Variants in SFMBT1 observed in about 807,000 individuals in gnomAD.
The protein encoded by SFMBT1 is Scm like with four mbt domains 1, also known as scm-like with four MBT domains protein 1.
Under a neutral mutation model 108.7 loss-of-function variants are expected in SFMBT1, and 32 were observed. The ratio of observed to expected loss-of-function variants is 0.29; its 90% CI spans 0.22 to 0.40. SFMBT1 has a LOEUF of 0.40. SFMBT1 is among the 10% of genes least tolerant of loss of function. The pLI, the probability that SFMBT1 is intolerant of heterozygous loss-of-function variation, is 1.00. For synonymous variants in SFMBT1, 348 were observed against 369.5 expected (o/e 0.94, Z 0.67); for missense variants, 816 against 1,059.6 (o/e 0.77, Z 3.19).
At chr3:52,914,016 G>C (rs1702279366) in intron 14 of SFMBT1, among the ~76,000 whole-genome samples, 1 of 152,122 alleles carries the variant, frequency 6.6e-6, no homozygotes, top group Non-Finnish European at 1.5e-5. Context: ...AGAAATTGTT[G>C]AATATTATTG....
At chr3:52,966,498 G>A (rs1182818627) in intron 2 of SFMBT1, among the ~76,000 whole-genome samples, 4 of 150,522 alleles carry the variant, frequency 2.7e-5, no homozygotes, top group South Asian at 4.2e-4. Context: ...GGTGGTGGGC[G>A]CCTGTAGTCC....
chr3:52,952,261 G>A (rs34872575), intron 3 of SFMBT1, among the ~76,000 whole-genome samples: 11,474 of 152,254 alleles, frequency 0.075, 472 homozygotes, highest in Non-Finnish European at 0.094. Flanking sequence ...GGGAGGCTGA[G>A]GCAGGAGAAT....
At chr3:53,038,494 C>T (rs1188219381) in intron 1 of SFMBT1, among the ~76,000 whole-genome samples, 2 of 152,126 alleles carry the variant, frequency 1.3e-5, no homozygotes, top group Non-Finnish European at 2.9e-5. Flanking sequence ...GAGATGGCCT[C>T]CCCCCGGTAA....
At chr3:53,006,958 T>C (rs1183866629) in intron 1 of SFMBT1, among the ~76,000 whole-genome samples, 2 of 152,228 alleles carry the variant, frequency 1.3e-5, no homozygotes, top group Non-Finnish European at 2.9e-5. Flanking sequence ...TCTCAACCAG[T>C]AGACTGTAAG....
rs1471470307 is a variant in SFMBT1 at position 52,957,958 on chromosome 3, AC to A, written c.29-3548del. 7.2e-4 allele frequency among the ~76,000 whole-genome samples: 110 copies of A among 152,362 alleles called. 1 individual carries two copies. The highest frequency in any genetic ancestry group is 2.6e-3 in the African/African-American group (107 of 41,594). On this transcript the variant is annotated intron_variant, in intron 2 of 20. Coordinates refer to ENST00000394752, the MANE Select transcript of SFMBT1 (RefSeq NM_016329.4). Reference sequence around the variant, plus strand: ...TTGCAACAAAAGCAAAAATTGACAAACGGGATCTAATTAAACTAAAGAGCTT... The same window carrying A: ...TTGCAACAAAAGCAAAAATTGACAAAGGGATCTAATTAAACTAAAGAGCTT...
chr3:52,986,105 T>A (rs2106886902), intron 1 of SFMBT1, among the ~76,000 whole-genome samples: 1 of 142,012 alleles, frequency 7.0e-6, no homozygotes, highest in South Asian at 2.1e-4. Context: ...ATCATGCCAC[T>A]ACACTTCAGC....
intron 1 of SFMBT1, among the ~76,000 whole-genome samples, chr3:52,999,347 T>C (rs996964358): frequency 5.3e-5 from 8 of 149,798 alleles, no homozygotes; most frequent in Non-Finnish European, 9.0e-5. Flanking sequence ...ACGCCCCACC[T>C]CCTCTGACCA....
At chr3:53,044,256 T>A (rs1700142028) in intron 1 of SFMBT1, among the ~76,000 whole-genome samples, 1 of 152,204 alleles carries the variant, frequency 6.6e-6, no homozygotes, top group Non-Finnish European at 1.5e-5. Context: ...CTAAGAATCT[T>A]TCAGTTAAGA....
In SFMBT1 at chr3:52,931,850, AC is replaced by A. The variant is rs369344529; in HGVS notation, c.700+211del. Among the ~76,000 whole-genome samples, 71 of 152,314 alleles carry A rather than the reference AC, an allele frequency of 4.7e-4. No homozygotes were observed. In the East Asian group the frequency reaches 0.013, roughly 27 times the overall value. ...GCAAGACTCTGTCTCAAAAAACAAA[AC>A]AAAACAAAACAAAAACCAAAAGCAG... is the stretch of plus-strand genomic sequence containing the variant. On this transcript the variant is annotated intron_variant, in intron 6 of 20. Transcript: ENST00000394752.
intron 2 of SFMBT1, among the ~76,000 whole-genome samples, chr3:52,968,600 CTT>C (rs5848970): frequency 6.0e-4 from 77 of 127,586 alleles, no homozygotes; most frequent in Middle Eastern, 4.3e-3. Flanking sequence ...AAAACAGTTT[CTT>C]TTTTTTTTTT....
intron 1 of SFMBT1, among the ~76,000 whole-genome samples, chr3:52,987,663 T>C (rs1414110747): frequency 6.6e-6 from 1 of 152,200 alleles, no homozygotes; most frequent in East Asian, 1.9e-4. Flanking sequence ...GTATGTCTTA[T>C]ACCATAGAGT....
chr3:52,923,515 G>A lies in SFMBT1; in HGVS notation c.1132-1684C>T, dbSNP rs527861479. 3.1e-3 allele frequency among the ~76,000 whole-genome samples: 472 copies of A among 151,296 alleles called. 1 individual carries two copies. The highest frequency in any genetic ancestry group is 6.0e-3 in the Non-Finnish European group (410 of 67,834). ...GTGGAGGTTGCAGTGAGCCAGGATC[G>A]TGCCATTGCACTCCAGCCTGGGCAA... On this transcript the variant is annotated intron_variant, in intron 10 of 20. Coordinates refer to ENST00000394752, the MANE Select transcript of SFMBT1 (RefSeq NM_016329.4).
chr3:53,027,462 C>G (rs1230264929), intron 1 of SFMBT1, among the ~76,000 whole-genome samples: 1 of 152,228 alleles, frequency 6.6e-6, no homozygotes, highest in Non-Finnish European at 1.5e-5. Context: ...GTCACAGCTA[C>G]TTAGTGTCTG....
Position 52,932,306 on chromosome 3 carries a change from G to C in SFMBT1, c.456C>G (p.Leu152=). ...CSPPVPLLEG[L]RNGRNPLDLI... ...GATCTAAAGGATTCCTCCCATTACG[G>C]AGCTGTAGGATTAAAAAGTAAAACA... The change falls in exon 6 of 21, where the codon CTC becomes CTG. Residue 152 remains leucine (L), a splice_region_variant and synonymous_variant. Transcript: ENST00000394752. 1 of 1,609,418 alleles carries C rather than the reference G, an allele frequency of 6.2e-7. No individual in the cohort carries two copies. The highest frequency in any genetic ancestry group is 1.7e-4 in the Middle Eastern group (1 of 6,036).
intron 10 of SFMBT1, among the ~76,000 whole-genome samples, chr3:52,925,353 A>T (rs576072050): frequency 6.6e-6 from 1 of 152,368 alleles, no homozygotes; most frequent in Admixed American, 6.5e-5. Flanking sequence ...TAAGACAGAG[A>T]GGAAAGGTAA....
intron 1 of SFMBT1, among the ~76,000 whole-genome samples, chr3:52,976,568 T>C (rs1056464562): frequency 1.3e-5 from 2 of 152,148 alleles, no homozygotes; most frequent in Admixed American, 1.3e-4. Flanking sequence ...AGCCTTGGAA[T>C]AGCATAGATT....
intron 1 of SFMBT1, among the ~76,000 whole-genome samples, chr3:52,989,407 A>G (rs1705040187): frequency 6.7e-6 from 1 of 148,156 alleles, no homozygotes; most frequent in Non-Finnish European, 1.5e-5. Context: ...ACTGCACTCC[A>G]GCCTGACTCC....
chr3:52,939,270 A>T (rs1420892092), intron 4 of SFMBT1, among the ~76,000 whole-genome samples: 9 of 152,168 alleles, frequency 5.9e-5, no homozygotes, highest in Non-Finnish European at 4.4e-5. Flanking sequence ...TTATTTCTGT[A>T]AGGTTTACCT....
At chr3:52,965,290 G>GA (rs1704095605) in intron 2 of SFMBT1, among the ~76,000 whole-genome samples, 2 of 146,004 alleles carry the variant, frequency 1.4e-5, no homozygotes, top group East Asian at 2.0e-4. Flanking sequence ...CAAAACAACA[G>GA]AAAAAACCCA....
Sources: gnomAD v4.1 joint callset for allele counts (sites outside exome capture counted in the v4.1 genomes callset) on GRCh38, gnomAD v4.1.1 for gene constraint, MANE v1.5 for transcripts, NCBI Gene and HGNC (gene_info 2026-07-23, HGNC 2026-07-21) for gene names.